The following ATP1A2 variants were observed in gnomAD, a reference collection of about 807,000 sequenced individuals.
The protein encoded by ATP1A2 is ATPase Na+/K+ transporting subunit alpha 2.
In ATP1A2, 56 loss-of-function variants were observed where a neutral mutation model predicts 113.1. The observed-to-expected ratio is 0.49, with a 90% CI of 0.40 to 0.62. The LOEUF is 0.62. Among genes scored for constraint, ATP1A2 ranks in the 20% least tolerant of loss-of-function variants. The pLI is 0.00. For missense variants in ATP1A2, 712 were observed against 1,357.8 expected (o/e 0.52, Z 7.47); for synonymous variants, 490 against 526.8 (o/e 0.93, Z 0.96).
rs769240277 is a variant in ATP1A2 at position 160,139,983 on chromosome 1, T to C, written c.3033T>C (p.Gly1011=). 13 of 1,613,654 alleles carry C rather than the reference T, an allele frequency of 8.1e-6. No individual in the cohort carries two copies. In the South Asian group the frequency reaches 1.2e-4, roughly 15 times the overall value. ...VRKLILRRYP[G]GWVEKETYY ...AGCTCATCCTGCGGCGGTATCCTGG[T>C]GGTAAGCCCCTCCACATTCCCCCCA... Residue 1011 remains glycine, a splice_region_variant and synonymous_variant, in exon 22 of 23, where the codon GGT becomes GGC. Coordinates refer to ENST00000361216, the MANE Select transcript of ATP1A2 (RefSeq NM_000702.4).
At chr1:160,121,092 C>T (rs1430934566) in intron 2 of ATP1A2, 82 bp downstream of exon 2, 19 of 1,601,718 alleles carry the variant, frequency 1.2e-5, no homozygotes, top group Non-Finnish European at 1.4e-5. Context: ...AGAGAAACTC[C>T]GTGTCCCCCA....
At chr1:160,128,285 C>T in intron 8 of ATP1A2, 1 of 484,706 alleles carries the variant, frequency 2.1e-6, no homozygotes, top group South Asian at 1.8e-5. Flanking sequence ...TTCCTGCTCC[C>T]CCTACACTGA....
At chr1:160,117,639 C>T (rs1570980669) in intron 1 of ATP1A2, among the ~76,000 whole-genome samples, 1 of 152,144 alleles carries the variant, frequency 6.6e-6, no homozygotes, top group Admixed American at 6.5e-5. Context: ...ATCTGACACC[C>T]ACAACCTGTT....
chr1:160,133,349 G>C (rs895253796), intron 13 of ATP1A2, among the ~76,000 whole-genome samples: 3 of 152,084 alleles, frequency 2.0e-5, no homozygotes, highest in Non-Finnish European at 4.4e-5. Flanking sequence ...TGGTGGGAGT[G>C]GAAGATAAGG....
chr1:160,140,629 G>C (rs1356805865), intron 22 of ATP1A2: 1 of 167,910 alleles, frequency 6.0e-6, no homozygotes, highest in Non-Finnish European at 1.3e-5. Flanking sequence ...TTAATCCCAT[G>C]TCCACATCTC....
intron 1 of ATP1A2, 150 bp downstream of exon 1, chr1:160,116,023 A>G (rs1256119171): frequency 1.5e-6 from 2 of 1,329,218 alleles, no homozygotes; most frequent in Non-Finnish European, 2.1e-6. Flanking sequence ...CAAACTACCA[A>G]TGTGTGTACA....
At position 160,141,373 on chromosome 1, in the gene ATP1A2, T is replaced by G; in HGVS notation, c.*51T>G. 1 of 1,607,822 alleles carries G rather than the reference T, an allele frequency of 6.2e-7. No homozygotes were observed. The highest frequency in any genetic ancestry group is 2.2e-5 in the East Asian group (1 of 44,862). ...GGAAAGATGGGGAGCTCTGGAGGTGTTGTGGGGATGGTGATGGAGAGGGAT... is the reference window on the plus strand; with the variant it reads ...GGAAAGATGGGGAGCTCTGGAGGTGGTGTGGGGATGGTGATGGAGAGGGAT... On this transcript the variant is annotated 3_prime_UTR_variant, in exon 23 of 23. Transcript: ENST00000361216.
chr1:160,140,093 T>C (rs1652088772), intron 22 of ATP1A2, 109 bp downstream of exon 22: 5 of 1,132,986 alleles, frequency 4.4e-6, no homozygotes, highest in East Asian at 2.4e-5. Flanking sequence ...CTTCTGTTCC[T>C]CAACACCCTC....
At position 160,121,186 on chromosome 1, in the gene ATP1A2, C is replaced by T. The variant is rs201111192; in HGVS notation, c.118-6C>T. 6.2e-7 allele frequency: 1 copy of T among 1,614,194 alleles called. No homozygotes were observed. Among genetic ancestry groups the T allele is most frequent in the African/African-American group, 1.3e-5 (1 of 75,048 alleles). Reference sequence around the variant, plus strand: ...TCCCCAAAGTAACTCACCCTCCCTTCCCCAGGATGACCACAAGCTGTCCTT... The same window carrying T: ...TCCCCAAAGTAACTCACCCTCCCTTTCCCAGGATGACCACAAGCTGTCCTT... On this transcript the variant is annotated splice_region_variant and splice_polypyrimidine_tract_variant and intron_variant, in intron 2 of 22. Coordinates refer to ENST00000361216, the MANE Select transcript of ATP1A2 (RefSeq NM_000702.4).
chr1:160,138,012 T>C (rs1652011863), intron 20 of ATP1A2, among the ~76,000 whole-genome samples: 2 of 152,108 alleles, frequency 1.3e-5, no homozygotes, highest in Non-Finnish European at 2.9e-5. Flanking sequence ...AGAAATTGGG[T>C]ATAATTCTGG....
At chr1:160,125,528 G>C in intron 7 of ATP1A2, 1 of 482,818 alleles carries the variant, frequency 2.1e-6, no homozygotes, top group Non-Finnish European at 3.8e-6. Flanking sequence ...TCAGGTATTG[G>C]GTTAAGAACC....
rs1012707590 is a variant in ATP1A2, at chr1:160,141,534, G to T, written c.*212G>T. On this transcript the variant is annotated 3_prime_UTR_variant, in exon 23 of 23. Transcript: ENST00000361216. Reference sequence around the variant, plus strand: ...TGTGAACAATCAGATTAGACACTATGTGTTAGAGTCCCCCCGACCAGATCC... The same window carrying T: ...TGTGAACAATCAGATTAGACACTATTTGTTAGAGTCCCCCCGACCAGATCC... 14 of 644,046 alleles carry T rather than the reference G, an allele frequency of 2.2e-5. No individual in the cohort carries two copies. The highest frequency in any genetic ancestry group is 2.0e-4 in the Admixed American group (9 of 44,394). 39.9% of individuals were successfully genotyped at this position (644,046 alleles called of 1,614,324 possible).
chr1:160,129,529 T>TC, intron 11 of ATP1A2, 129 bp downstream of exon 11: 1 of 1,425,926 alleles, frequency 7.0e-7, no homozygotes, highest in South Asian at 1.2e-5. Context: ...CCCTGCTAAG[T>TC]CCCCCAGGAC....
At chr1:160,131,580 T>C (rs570499705) in intron 13 of ATP1A2, among the ~76,000 whole-genome samples, 13 of 152,176 alleles carry the variant, frequency 8.5e-5, no homozygotes, top group African/African-American at 2.6e-4. Flanking sequence ...TCCCAGCACT[T>C]TGGGGGGGTC....
rs547607076 is a variant in ATP1A2 at position 160,127,848 on chromosome 1, A to G, written c.1017+28A>G. The G allele has an allele frequency of 4.3e-4, 679 of 1,564,056 alleles. 10 individuals carry two copies. The South Asian group carries it at 7.7e-3, about 18-fold the overall frequency. ...GAGTGGGTCAGGCTGAGGTGCCACC[A>G]GGGGAGGGTCTCACTACTCTTTCCT... On this transcript the variant is annotated intron_variant, in intron 8 of 22. Transcript: ENST00000361216.
chr1:160,131,022 C>T (rs1651754444), intron 13 of ATP1A2, among the ~76,000 whole-genome samples: 1 of 152,208 alleles, frequency 6.6e-6, no homozygotes, highest in Non-Finnish European at 1.5e-5. Context: ...ATGCCTCCCA[C>T]TCAAGGTTCT....
Position 160,136,658 on chromosome 1 carries a change from C to T in ATP1A2, c.2652C>T (p.Arg884=), listed in dbSNP as rs1207666847. The T allele has an allele frequency of 1.2e-6, 2 of 1,614,244 alleles. No homozygotes were observed. The highest frequency in any genetic ancestry group is 1.1e-5 in the South Asian group (1 of 91,086). The change falls in exon 19 of 23, where the codon CGC becomes CGT. Residue 884 remains arginine (R), a synonymous_variant. Transcript: ENST00000361216. ...TGCCATCACGGCTACTGGGAATCCG[C>T]CTCGACTGGGATGACCGGACCATGA... ...GFLPSRLLGI[R]LDWDDRTMND... is the part of the protein sequence containing the mutation.
In ATP1A2 at chr1:160,143,385, T is replaced by A. The variant is rs1284812986; in HGVS notation, c.*2063T>A. The A allele has an allele frequency of 6.6e-6, 1 of 152,668 alleles. No individual in the cohort carries two copies. Among genetic ancestry groups the A allele is most frequent in the Non-Finnish European group, 1.5e-5 (1 of 68,050 alleles). The allele number at this position is 152,668 out of a possible 1,614,324, so 9.5% of individuals were successfully genotyped here. A position where few individuals can be genotyped will look rare whatever the true frequency, so the allele number is the denominator to read the frequency against. Reference sequence around the variant, plus strand: ...ACAATATTGCTAGAGGTGGCATGTTTAGTCTACCAAAAACAATACTTTTCA... The same window carrying A: ...ACAATATTGCTAGAGGTGGCATGTTAAGTCTACCAAAAACAATACTTTTCA... On this transcript the variant is annotated 3_prime_UTR_variant, in exon 23 of 23. Transcript: ENST00000361216.
chr1:160,130,714 C>T, intron 13 of ATP1A2, 117 bp downstream of exon 13: 3 of 1,405,328 alleles, frequency 2.1e-6, no homozygotes, highest in Admixed American at 2.0e-5. Context: ...CCCACTGACT[C>T]AGAGAAGAAG....
Sources: gnomAD v4.1 joint callset for allele counts (sites outside exome capture counted in the v4.1 genomes callset) on GRCh38, gnomAD v4.1.1 for gene constraint, MANE v1.5 for transcripts, NCBI Gene and HGNC (gene_info 2026-07-23, HGNC 2026-07-21) for gene names.